SLC5A8: variants seen among roughly 807,000 people sequenced by gnomAD.
SLC5A8 encodes the protein sodium-coupled monocarboxylate transporter 1.
SLC5A8 carries 55 observed loss-of-function variants against 71.9 expected under a neutral mutation model. That is an observed-to-expected ratio of 0.77 (90% CI 0.62 to 0.96). SLC5A8 has a LOEUF of 0.96. Ranked by LOEUF, SLC5A8 falls within the 40% of genes least tolerant of loss-of-function variation. SLC5A8 has a pLI of 0.00. For synonymous variants in SLC5A8, 307 were observed against 276.1 expected, an observed-to-expected ratio of 1.11 and a Z score of -1.11; for missense variants, 701 against 745.3, an observed-to-expected ratio of 0.94 and a Z score of 0.69.
chr12:101,159,639 T>A (rs1208053831), intron 13 of SLC5A8, among the ~76,000 whole-genome samples: 1 of 152,216 alleles, frequency 6.6e-6, no homozygotes, highest in East Asian at 1.9e-4. Context: ...GTTGAAGTGT[T>A]TTCTATTACT....
chr12:101,178,856 T>C (rs557981563), intron 10 of SLC5A8, among the ~76,000 whole-genome samples: 2 of 150,866 alleles, frequency 1.3e-5, no homozygotes, highest in South Asian at 4.2e-4. Context: ...GACCCTGTTA[T>C]GAGGATAAAA....
chr12:101,168,009 C>A, intron 11 of SLC5A8, 87 bp downstream of exon 11: 1 of 1,266,902 alleles, frequency 7.9e-7, no homozygotes, highest in Non-Finnish European at 1.1e-6. Context: ...AATGACAAAT[C>A]TCAAAGGAAC....
chr12:101,173,257 C>T (rs1232617886), intron 10 of SLC5A8, among the ~76,000 whole-genome samples: 2 of 152,212 alleles, frequency 1.3e-5, no homozygotes, highest in African/African-American at 4.8e-5. Context: ...CACAGCACAG[C>T]CAGGTGGTGC....
intron 1 of SLC5A8, among the ~76,000 whole-genome samples, chr12:101,206,091 G>T (rs12580634): frequency 0.15 from 22,906 of 152,090 alleles, 2,182 homozygotes; most frequent in East Asian, 0.53. Context: ...CTCTCATTTT[G>T]CAGGGTTTGG....
intron 8 of SLC5A8, 120 bp from the exon 9 acceptor site, chr12:101,183,035 C>CTATTT: frequency 1.4e-5 from 1 of 73,528 alleles, no homozygotes; most frequent in East Asian, 5.8e-4. Flanking sequence ...TTCTACTATG[C>CTATTT]TTTTTTTTTT....
chr12:101,166,836 C>T, intron 11 of SLC5A8, 137 bp from the exon 12 acceptor site: 1 of 701,188 alleles, frequency 1.4e-6, no homozygotes, highest in South Asian at 2.0e-5. Context: ...CTCTCTCCTC[C>T]CAAGATAGTG....
chr12:101,202,554 A>T (rs950029719), intron 2 of SLC5A8, among the ~76,000 whole-genome samples: 1 of 151,944 alleles, frequency 6.6e-6, no homozygotes, highest in Admixed American at 6.6e-5. Flanking sequence ...AGAAAAAAAT[A>T]AATAATAATA....
At chr12:101,168,808 A>C (rs1439245189) in intron 10 of SLC5A8, among the ~76,000 whole-genome samples, 1 of 152,228 alleles carries the variant, frequency 6.6e-6, no homozygotes, top group Non-Finnish European at 1.5e-5. Flanking sequence ...AAAGCAACTA[A>C]ATGAAGCTTC....
intron 12 of SLC5A8, among the ~76,000 whole-genome samples, chr12:101,163,423 A>C (rs2051740972): frequency 6.6e-6 from 1 of 152,150 alleles, no homozygotes; most frequent in Non-Finnish European, 1.5e-5. Flanking sequence ...ACACACCTAT[A>C]ATCCCAGCAC....
rs1166376685 is a variant in SLC5A8 at position 101,187,431 on chromosome 12, A to G, written c.918T>C (p.His306=). The G allele has an allele frequency of 1.2e-6, 2 of 1,613,836 alleles. No individual in the cohort carries two copies. Among genetic ancestry groups the G allele is most frequent in the Middle Eastern group, 1.6e-4 (1 of 6,084 alleles). The change falls in exon 7 of 15, where the codon CAT becomes CAC. Residue 306 remains histidine (H), a synonymous_variant. Transcript: ENST00000536262. ...FCGLALYSRY[H]DCDPWTAKKV... is the part of the protein sequence containing the mutation. ...TCTTGGCTGTCCAAGGATCACAGTC[A>G]TGGTACCTGGAATATAGGGCGAGCC...
At chr12:101,161,494 C>T (rs1055835301) in intron 13 of SLC5A8, among the ~76,000 whole-genome samples, 4 of 152,030 alleles carry the variant, frequency 2.6e-5, no homozygotes, top group African/African-American at 9.7e-5. Context: ...GAAAAAAAAG[C>T]CTCCACACTA....
At chr12:101,174,333 G>A (rs184901011) in intron 10 of SLC5A8, among the ~76,000 whole-genome samples, 3 of 152,166 alleles carry the variant, frequency 2.0e-5, no homozygotes, top group East Asian at 3.9e-4. Context: ...ATGCTCAATC[G>A]GTTTATTCTG....
At chr12:101,169,068 A>G (rs1357366218) in intron 10 of SLC5A8, among the ~76,000 whole-genome samples, 2 of 152,172 alleles carry the variant, frequency 1.3e-5, no homozygotes, top group African/African-American at 2.4e-5. Context: ...AGAGAGGAGA[A>G]CTAGTGTTTA....
At chr12:101,187,174 C>T (rs1868680810) in intron 7 of SLC5A8, among the ~76,000 whole-genome samples, 2 of 152,196 alleles carry the variant, frequency 1.3e-5, no homozygotes, top group Admixed American at 6.5e-5. Flanking sequence ...TGATTTTTTC[C>T]TGGTATTTCC....
At chr12:101,181,050 T>C (rs560762424) in intron 9 of SLC5A8, among the ~76,000 whole-genome samples, 2 of 152,334 alleles carry the variant, frequency 1.3e-5, no homozygotes, top group African/African-American at 4.8e-5. Flanking sequence ...TCAGTTGATA[T>C]AATTTCCCAA....
At chr12:101,187,270 T>G (rs1034162954) in intron 7 of SLC5A8, 116 bp downstream of exon 7, 68 of 1,136,500 alleles carry the variant, frequency 6.0e-5, no homozygotes, top group Non-Finnish European at 7.7e-5. Context: ...AAATGTAAGA[T>G]GATGATGGCA....
chr12:101,177,739 T>C (rs1323174201), intron 10 of SLC5A8, among the ~76,000 whole-genome samples: 1 of 151,812 alleles, frequency 6.6e-6, no homozygotes, highest in African/African-American at 2.4e-5. Context: ...TTTGAAAAAA[T>C]TCAACTGCCA....
chr12:101,177,827 G>C (rs1480419254), intron 10 of SLC5A8, among the ~76,000 whole-genome samples: 1 of 152,120 alleles, frequency 6.6e-6, no homozygotes, highest in Non-Finnish European at 1.5e-5. Flanking sequence ...TGGGGAACTG[G>C]GTAAGGATTT....
At chr12:101,195,001 G>T in intron 4 of SLC5A8, 94 bp downstream of exon 4, 1 of 1,212,524 alleles carries the variant, frequency 8.2e-7, no homozygotes, top group Non-Finnish European at 1.2e-6. Context: ...GAGAGTAAGT[G>T]TGGACAAACA....
Sources: gnomAD v4.1 joint callset for allele counts (sites outside exome capture counted in the v4.1 genomes callset) on GRCh38, gnomAD v4.1.1 for gene constraint, MANE v1.5 for transcripts, NCBI Gene and HGNC (gene_info 2026-07-23, HGNC 2026-07-21) for gene names.